The following FMR1NB variants were observed in gnomAD, a reference collection of about 807,000 sequenced individuals.
The protein encoded by FMR1NB is FMR1 neighbor protein.
In FMR1NB, 10 loss-of-function variants were observed where a neutral mutation model predicts 16.8. The observed-to-expected ratio is 0.60, with a 90% CI of 0.37 to 1.01. The LOEUF (loss-of-function observed/expected upper bound fraction) is 1.01. FMR1NB is among the 50% of genes least tolerant of loss of function. The pLI, the probability that FMR1NB is intolerant of heterozygous loss-of-function variation, is 0.01. For synonymous variants in FMR1NB, 83 were observed against 79.1 expected (o/e 1.05, Z -0.26); for missense variants, 205 against 204.8 (o/e 1.00, Z 0.00).
intron 1 of FMR1NB, among the ~76,000 whole-genome samples, chrX:147,994,185 C>A: frequency 9.0e-6 from 1 of 111,300 alleles, no homozygotes; most frequent in Non-Finnish European, 1.9e-5. Flanking sequence ...TTCTTTCTCC[C>A]TGCTCTCCCT....
Position 148,000,473 on chromosome X carries a change from A to G in FMR1NB, c.278-2728A>G, listed in dbSNP as rs1409250402. The stretch of plus-strand genomic sequence containing the variant: ...GCACACAAAAGAAAACTGCAGACAC[A>G]CTTCACTTAGGAATGTTGAATCATG... On this transcript the variant is annotated intron_variant, in intron 1 of 5. Coordinates refer to ENST00000370467, the MANE Select transcript of FMR1NB (RefSeq NM_152578.3). 1.1e-4 allele frequency among the ~76,000 whole-genome samples: 12 copies of G among 112,325 alleles called. No homozygotes were observed. In the East Asian group the frequency reaches 3.1e-3, roughly 29 times the overall value.
chrX:148,011,036 C>T (rs1183762603), intron 4 of FMR1NB, among the ~76,000 whole-genome samples: 2 of 110,785 alleles, frequency 1.8e-5, no homozygotes, highest in East Asian at 2.8e-4. Flanking sequence ...GAGGCCAAGG[C>T]GGGCAGATCA....
At chrX:147,994,184 C>T (rs1332313320) in intron 1 of FMR1NB, among the ~76,000 whole-genome samples, 1 of 111,235 alleles carries the variant, frequency 9.0e-6, no homozygotes, top group Non-Finnish European at 1.9e-5. Flanking sequence ...CTTCTTTCTC[C>T]CTGCTCTCCC....
intron 1 of FMR1NB, among the ~76,000 whole-genome samples, chrX:147,992,292 A>AC (rs71208988): frequency 6.3e-4 from 31 of 49,045 alleles, no homozygotes; most frequent in African/African-American, 1.1e-3. Context: ...AGGGGGGCTG[A>AC]CCCCCCCCAC....
intron 1 of FMR1NB, among the ~76,000 whole-genome samples, chrX:147,982,621 C>T (rs1480757360): frequency 5.3e-5 from 5 of 94,763 alleles, no homozygotes; most frequent in Non-Finnish European, 1.0e-4. Flanking sequence ...AGGCCGGGCG[C>T]GGTGGGTCAT....
At chrX:147,989,070 G>A (rs549849071) in intron 1 of FMR1NB, among the ~76,000 whole-genome samples, 7 of 111,725 alleles carry the variant, frequency 6.3e-5, no homozygotes, top group South Asian at 3.7e-4. Flanking sequence ...ATTTGGAGGC[G>A]AAGAGGCATT....
intron 4 of FMR1NB, 55 bp downstream of exon 4, chrX:148,008,766 G>T: frequency 9.9e-7 from 1 of 1,007,990 alleles, no homozygotes; most frequent in African/African-American, 1.9e-5. Context: ...GAGTATTTGT[G>T]TATAGACATA....
At chrX:148,013,652 A>C (rs1557189843) in intron 4 of FMR1NB, among the ~76,000 whole-genome samples, 1 of 111,888 alleles carries the variant, frequency 8.9e-6, no homozygotes, top group African/African-American at 3.3e-5. Context: ...GTATTTTCTG[A>C]CCATAGTATT....
At chrX:147,989,748 A>G (rs1375302879) in intron 1 of FMR1NB, among the ~76,000 whole-genome samples, 1 of 111,333 alleles carries the variant, frequency 9.0e-6, no homozygotes, top group Non-Finnish European at 1.9e-5. Context: ...GGCTGTCTGG[A>G]CACAGCTGTT....
At chrX:148,014,946 G>A (rs1326268101) in intron 4 of FMR1NB, among the ~76,000 whole-genome samples, 4 of 111,898 alleles carry the variant, frequency 3.6e-5, no homozygotes, top group African/African-American at 9.7e-5. Flanking sequence ...TGCCCAGCCC[G>A]TGGGTCCTGG....
At chrX:148,025,131 A>C (rs1215265146) in intron 5 of FMR1NB, 118 bp downstream of exon 5, 17 of 787,797 alleles carry the variant, frequency 2.2e-5, no homozygotes, top group Non-Finnish European at 3.1e-5. Context: ...AAATGTTTGG[A>C]TCACAGGAGG....
intron 1 of FMR1NB, among the ~76,000 whole-genome samples, chrX:147,992,710 G>A (rs1330119100): frequency 1.6e-5 from 1 of 61,003 alleles, no homozygotes; most frequent in Non-Finnish European, 2.8e-5. Context: ...CGGGGCGGCC[G>A]GGCAGAGACG....
At chrX:147,994,898 G>C (rs782804872) in intron 1 of FMR1NB, among the ~76,000 whole-genome samples, 1 of 112,238 alleles carries the variant, frequency 8.9e-6, no homozygotes. Flanking sequence ...GGGTTGAATT[G>C]TGTTCCCTCA....
chrX:147,996,327 T>C (rs1217509974), intron 1 of FMR1NB, among the ~76,000 whole-genome samples: 1 of 111,751 alleles, frequency 8.9e-6, no homozygotes, highest in African/African-American at 3.3e-5. Flanking sequence ...AAAATAAATA[T>C]CACCATTTTG....
intron 1 of FMR1NB, among the ~76,000 whole-genome samples, chrX:147,996,079 A>G (rs1292579938): frequency 4.5e-5 from 5 of 112,104 alleles, no homozygotes; most frequent in Non-Finnish European, 9.4e-5. Context: ...AAGCTACCTT[A>G]CTTTTTTACA....
At chrX:148,011,762 G>C (rs1207930118) in intron 4 of FMR1NB, among the ~76,000 whole-genome samples, 1 of 110,719 alleles carries the variant, frequency 9.0e-6, no homozygotes, top group Admixed American at 9.7e-5. Context: ...TCTCACTATA[G>C]ACACCTTAAT....
intron 1 of FMR1NB, among the ~76,000 whole-genome samples, chrX:147,998,669 A>G (rs1263026332): frequency 1.8e-5 from 2 of 112,777 alleles, no homozygotes; most frequent in African/African-American, 6.4e-5. Context: ...GTGTCATGGT[A>G]GGTTTGATAT....
intron 4 of FMR1NB, among the ~76,000 whole-genome samples, chrX:148,019,927 C>T (rs1557190483): frequency 2.7e-5 from 3 of 112,029 alleles, no homozygotes; most frequent in Non-Finnish European, 5.6e-5. Context: ...TATGTTTGCT[C>T]AAGGCACTGG....
intron 5 of FMR1NB, chrX:148,026,117 T>C (rs941728806): frequency 9.0e-6 from 1 of 111,724 alleles, no homozygotes; most frequent in Non-Finnish European, 1.9e-5. Context: ...TGTGTATTAT[T>C]ATTCATATAA....
Sources: allele counts gnomAD v4.1 joint callset (sites outside exome capture counted in the v4.1 genomes callset), GRCh38; gene constraint gnomAD v4.1.1; transcripts MANE v1.5; gene names NCBI Gene and HGNC (gene_info 2026-07-23, HGNC 2026-07-21).